COL4A6: variants seen among roughly 807,000 people sequenced by gnomAD.
COL4A6 encodes collagen type IV alpha 6 chain, also known as collagen alpha-6(IV) chain.
In COL4A6, 59 loss-of-function variants were observed where a neutral mutation model predicts 126.7. The ratio of observed to expected loss-of-function variants is 0.47; its 90% CI spans 0.38 to 0.58. COL4A6 has a LOEUF of 0.58. Among genes scored for constraint, COL4A6 ranks in the 20% least tolerant of loss-of-function variants. The pLI, the probability that COL4A6 is intolerant of heterozygous loss-of-function variation, is 0.00. For missense variants in COL4A6, 1,285 were observed against 1,337.3 expected, an observed-to-expected ratio of 0.96 and a Z score of 0.61; for synonymous variants, 547 against 496.6, an observed-to-expected ratio of 1.10 and a Z score of -1.35.
At chrX:108,341,613 T>C (rs2039567058) in intron 2 of COL4A6, among the ~76,000 whole-genome samples, 1 of 111,232 alleles carries the variant, frequency 9.0e-6, no homozygotes, top group African/African-American at 3.3e-5. Flanking sequence ...TAAACCTCTT[T>C]TTCTTTATAA....
At chrX:108,351,431 ACT>A (rs57530249) in intron 2 of COL4A6, among the ~76,000 whole-genome samples, 1,408 of 92,603 alleles carry the variant, frequency 0.015, 27 homozygotes, top group African/African-American at 0.047. Context: ...AAAGGAGGTA[ACT>A]CTCTCTCTCT....
chrX:108,317,133 G>A (rs932440660), intron 2 of COL4A6, among the ~76,000 whole-genome samples: 1 of 112,302 alleles, frequency 8.9e-6, no homozygotes, highest in Non-Finnish European at 1.9e-5. Flanking sequence ...CAGTTATAGA[G>A]TCTGACAGAA....
At chrX:108,255,983 G>A in intron 3 of COL4A6, among the ~76,000 whole-genome samples, 1 of 111,068 alleles carries the variant, frequency 9.0e-6, no homozygotes. Flanking sequence ...AGGAGACCTA[G>A]TCTCAGCTCT....
At chrX:108,273,876 A>G (rs2037527503) in intron 3 of COL4A6, among the ~76,000 whole-genome samples, 1 of 112,506 alleles carries the variant, frequency 8.9e-6, no homozygotes, top group Admixed American at 9.4e-5. Flanking sequence ...ATGGAGATAT[A>G]CATGCTAATA....
chrX:108,309,884 CA>C (rs1364811809), intron 3 of COL4A6, among the ~76,000 whole-genome samples: 1 of 106,509 alleles, frequency 9.4e-6, no homozygotes, highest in Non-Finnish European at 1.9e-5. Context: ...ATCCAAAATC[CA>C]AAATGCTCCA....
chrX:108,182,661 A>G (rs1329789363), intron 23 of COL4A6, among the ~76,000 whole-genome samples: 1 of 112,396 alleles, frequency 8.9e-6, no homozygotes, highest in East Asian at 2.8e-4. Context: ...GTTAGGCTGA[A>G]GAATTTCCTC....
rs1327074413 is a variant in COL4A6 at position 108,306,823 on chromosome X, G to A, written c.144+3925C>T. Among the ~76,000 whole-genome samples, 4 of 111,493 alleles carry A rather than the reference G, an allele frequency of 3.6e-5. No individual in the cohort carries two copies. In the Admixed American group the frequency reaches 3.8e-4, roughly 11 times the overall value. On this transcript the variant is annotated intron_variant, in intron 3 of 44. Transcript: ENST00000334504. The stretch of plus-strand genomic sequence containing the variant: ...GAGGGCAATCCAAGCATTCCCCATG[G>A]TTTTGGATTATCTGTGATAATGCTT...
At chrX:108,235,358 T>C (rs1005625633) in intron 3 of COL4A6, among the ~76,000 whole-genome samples, 1 of 111,666 alleles carries the variant, frequency 9.0e-6, no homozygotes, top group Admixed American at 9.5e-5. Flanking sequence ...GTATAAATTA[T>C]GTACAACATT....
At chrX:108,197,769 A>G (rs994688256) in intron 13 of COL4A6, among the ~76,000 whole-genome samples, 3 of 45,215 alleles carry the variant, frequency 6.6e-5, no homozygotes, top group African/African-American at 2.2e-4. Context: ...TTTTATTGGG[A>G]GGAGTGTGTG....
chrX:108,214,369 T>G lies in COL4A6; in HGVS notation c.325-141A>C, dbSNP rs767062936. On this transcript the variant is annotated intron_variant, in intron 5 of 44. Coordinates refer to ENST00000334504, the MANE Select transcript of COL4A6 (RefSeq NM_033641.4). Reference sequence around the variant, plus strand: ...CTTAGCCCCATCATGTATGTTTGCATGTCTTTCCTTTATACTCAAGCATAT... The same window carrying G: ...CTTAGCCCCATCATGTATGTTTGCAGGTCTTTCCTTTATACTCAAGCATAT... 7 of 460,092 alleles carry G rather than the reference T, an allele frequency of 1.5e-5. No individual in the cohort carries two copies. In the Admixed American group the frequency reaches 2.6e-4, roughly 17 times the overall value. 37.9% of individuals were successfully genotyped at this position (460,092 alleles called of 1,213,427 possible).
At chrX:108,161,257 T>C (rs770173214) in intron 42 of COL4A6, among the ~76,000 whole-genome samples, 12 of 111,617 alleles carry the variant, frequency 1.1e-4, no homozygotes, top group African/African-American at 3.9e-4. Flanking sequence ...TCAAGTGTTG[T>C]TATCCCTTGA....
At chrX:108,261,136 G>A (rs764344766) in intron 3 of COL4A6, among the ~76,000 whole-genome samples, 5 of 111,345 alleles carry the variant, frequency 4.5e-5, no homozygotes, top group Admixed American at 3.8e-4. Flanking sequence ...GCATGGTGCC[G>A]CCCTATATGG....
At chrX:108,200,612 G>T (rs1259083843) in intron 13 of COL4A6, among the ~76,000 whole-genome samples, 1 of 111,615 alleles carries the variant, frequency 9.0e-6, no homozygotes, top group Non-Finnish European at 1.9e-5. Flanking sequence ...GTGTGGGGTG[G>T]GGGGAGAGAT....
chrX:108,383,655 C>T (rs2040614198), intron 2 of COL4A6: 1 of 515,929 alleles, frequency 1.9e-6, no homozygotes, highest in Non-Finnish European at 3.5e-6. Flanking sequence ...AGGGGAAAAC[C>T]AGTGCCGTTG....
At chrX:108,325,461 A>G (rs1022243403) in intron 2 of COL4A6, among the ~76,000 whole-genome samples, 2 of 111,813 alleles carry the variant, frequency 1.8e-5, no homozygotes, top group African/African-American at 6.5e-5. Context: ...TTGAATTTGC[A>G]GTTAAAAACC....
intron 4 of COL4A6, 73 bp downstream of exon 4, chrX:108,221,167 T>G (rs1226465754): frequency 6.0e-6 from 7 of 1,162,027 alleles, no homozygotes; most frequent in Middle Eastern, 2.4e-4. Flanking sequence ...TGAGCAGAAC[T>G]GGGATGGAGA....
At chrX:108,170,571 AAG>A (rs2034267777) in intron 35 of COL4A6, 36 bp downstream of exon 35, 1 of 1,100,463 alleles carries the variant, frequency 9.1e-7, no homozygotes, top group Admixed American at 2.2e-5. Flanking sequence ...CATCGAGGGA[AAG>A]ACTTTTCCCC....
chrX:108,213,368 T>C (rs979982911), intron 6 of COL4A6, among the ~76,000 whole-genome samples: 1 of 112,417 alleles, frequency 8.9e-6, no homozygotes. Flanking sequence ...TGGAAGGGCA[T>C]TGTATTTACT....
intron 2 of COL4A6, among the ~76,000 whole-genome samples, chrX:108,354,402 CTGA>C (rs1162734974): frequency 9.0e-6 from 1 of 111,490 alleles, no homozygotes; most frequent in Admixed American, 9.5e-5. Context: ...TTAGATGATA[CTGA>C]TGATAACTTT....
Sources: gnomAD v4.1 joint callset for allele counts (sites outside exome capture counted in the v4.1 genomes callset) on GRCh38, gnomAD v4.1.1 for gene constraint, MANE v1.5 for transcripts, NCBI Gene and HGNC (gene_info 2026-07-23, HGNC 2026-07-21) for gene names.